The following SLC5A7 variants were observed in gnomAD, a reference collection of about 807,000 sequenced individuals.
The protein encoded by SLC5A7 is high affinity choline transporter 1.
In SLC5A7, 19 loss-of-function variants were observed where a neutral mutation model predicts 55.4. That is an observed-to-expected ratio of 0.34 (90% confidence interval 0.24 to 0.50). The LOEUF is 0.50. SLC5A7 is among the 20% of genes least tolerant of loss of function. The pLI is 0.98. For synonymous variants in SLC5A7, 265 were observed against 263.7 expected (o/e 1.00, Z -0.05); for missense variants, 506 against 705.3 (o/e 0.72, Z 3.20).
intron 6 of SLC5A7, among the ~76,000 whole-genome samples, chr2:108,005,221 A>C (rs1042634701): frequency 6.6e-6 from 1 of 152,176 alleles, no homozygotes; most frequent in African/African-American, 2.4e-5. Flanking sequence ...CACCACATAC[A>C]TTGACTCTCA....
intron 7 of SLC5A7, among the ~76,000 whole-genome samples, chr2:108,007,033 A>G (rs1171324881): frequency 6.6e-6 from 1 of 152,220 alleles, no homozygotes; most frequent in African/African-American, 2.4e-5. Context: ...GTTAGCCTCT[A>G]TGTAGAACAT....
chr2:108,000,349 G>T (rs1481211035), intron 5 of SLC5A7, among the ~76,000 whole-genome samples: 1 of 151,970 alleles, frequency 6.6e-6, no homozygotes, highest in East Asian at 1.9e-4. Context: ...TTCCCTTAAG[G>T]AATGGATATC....
rs1419906151 is a variant in SLC5A7 at position 108,013,246 on chromosome 2, TTAAA to T, written c.*2389_*2392del. ...GTTCAAAGTACTAAAACTAGATAAC[TTAAA>T]TAATTTAAGCCAATAAATAATATTA... On this transcript the variant is annotated 3_prime_UTR_variant, in exon 9 of 9. Coordinates refer to ENST00000264047, the MANE Select transcript of SLC5A7 (RefSeq NM_021815.5). 6.6e-6 allele frequency: 1 copy of T among 152,108 alleles called. No individual in the cohort carries two copies. The highest frequency in any genetic ancestry group is 6.6e-5 in the Admixed American group (1 of 15,252). The allele number at this position is 152,108 out of a possible 1,614,324, so 9.4% of individuals were successfully genotyped here. A position where few individuals can be genotyped will look rare whatever the true frequency, so the allele number is the denominator to read the frequency against.
At position 108,013,153 on chromosome 2, in the gene SLC5A7, A is replaced by G. The variant is rs1035134751; in HGVS notation, c.*2292A>G. On this transcript the variant is annotated 3_prime_UTR_variant, in exon 9 of 9. Coordinates refer to ENST00000264047, the MANE Select transcript of SLC5A7 (RefSeq NM_021815.5). ...ATCCAGTGGGGAAAAAAAGGTTAAC[A>G]GTAAAAATTTCTTCCACGTAATTCA... 1 of 152,166 alleles carries G rather than the reference A, an allele frequency of 6.6e-6. No individual in the cohort carries two copies. The highest frequency in any genetic ancestry group is 2.4e-5 in the African/African-American group (1 of 41,462). 9.4% of individuals were successfully genotyped at this position (152,166 alleles called of 1,614,324 possible).
At chr2:107,998,948 TC>T (rs1451930349) in intron 5 of SLC5A7, among the ~76,000 whole-genome samples, 1 of 152,196 alleles carries the variant, frequency 6.6e-6, no homozygotes, top group Non-Finnish European at 1.5e-5. Flanking sequence ...GAAGAAGTAA[TC>T]TCATGCCCTT....
At chr2:108,008,765 T>C (rs930474950) in intron 8 of SLC5A7, 83 bp downstream of exon 8, 7 of 909,426 alleles carry the variant, frequency 7.7e-6, no homozygotes, top group Admixed American at 3.2e-5. Flanking sequence ...TATACAGTAT[T>C]ATATATTTAT....
chr2:107,986,994 G>A (rs1677269919), intron 1 of SLC5A7, among the ~76,000 whole-genome samples: 2 of 152,134 alleles, frequency 1.3e-5, no homozygotes. Context: ...GGGGCCGGGA[G>A]AGCATCGGGC....
rs1677319788 is a variant in SLC5A7 at position 107,988,192 on chromosome 2, G to A, written c.37G>A (p.Val13Met). The A allele has an allele frequency of 3.8e-5, 61 of 1,614,084 alleles. No homozygotes were observed. Among genetic ancestry groups the A allele is most frequent in the Non-Finnish European group, 5.1e-5 (60 of 1,179,958 alleles). ...FHVEGLIAII[V>M]FYLLILLVGI... ...TGTGGAAGGACTGATAGCTATCATC[G>A]TGTTCTACCTTCTAATTTTGCTGGT... Residue 13 changes from valine to methionine, a missense_variant, in exon 2 of 9, where the codon GTG (valine) becomes ATG (methionine). This residue lies in a region of SLC5A7 where 56 missense variants were observed against 62.6 expected (regional missense o/e 0.89). Transcript: ENST00000264047.
Position 108,003,577 on chromosome 2 carries a change from T to G in SLC5A7, c.741+1537T>G, listed in dbSNP as rs543373473. Reference sequence around the variant, plus strand: ...CCAGTGGTCTCTCCTACATCCCCTATGTGAAGATGACTTGTCAAGTCCTGC... The same window carrying G: ...CCAGTGGTCTCTCCTACATCCCCTAGGTGAAGATGACTTGTCAAGTCCTGC... On this transcript the variant is annotated intron_variant, in intron 6 of 8. Transcript: ENST00000264047. Among the ~76,000 whole-genome samples the G allele has an allele frequency of 1.2e-4, 19 of 152,296 alleles. 1 individual carries two copies. Among genetic ancestry groups the G allele is most frequent in the African/African-American group, 3.4e-4 (14 of 41,558 alleles).
At chr2:108,010,196 T>C (rs779781739) in intron 8 of SLC5A7, 36 bp from the exon 9 acceptor site, 3 of 1,593,434 alleles carry the variant, frequency 1.9e-6, no homozygotes, top group Admixed American at 1.7e-5. Context: ...GCCAAGACAC[T>C]GTGCAAAAAG....
intron 2 of SLC5A7, among the ~76,000 whole-genome samples, chr2:107,989,526 G>T (rs188732565): frequency 6.6e-6 from 1 of 152,028 alleles, no homozygotes; most frequent in Non-Finnish European, 1.5e-5. Flanking sequence ...TCTTTATAAC[G>T]GCATTATGAT....
intron 2 of SLC5A7, 58 bp downstream of exon 2, chr2:107,988,391 T>C (rs1331580120): frequency 4.0e-6 from 6 of 1,518,244 alleles, no homozygotes; most frequent in Non-Finnish European, 5.4e-6. Context: ...TCTGTGAGTG[T>C]GCAGCGTGTG....
intron 6 of SLC5A7, among the ~76,000 whole-genome samples, chr2:108,003,761 C>A (rs1442498557): frequency 1.3e-5 from 2 of 152,198 alleles, no homozygotes; most frequent in Non-Finnish European, 2.9e-5. Flanking sequence ...CTCTCCCATG[C>A]CCACTTTCCA....
At chr2:108,010,042 G>T (rs1678258704) in intron 8 of SLC5A7, among the ~76,000 whole-genome samples, 190 bp from the exon 9 acceptor site, 5 of 152,138 alleles carry the variant, frequency 3.3e-5, no homozygotes, top group Admixed American at 2.0e-4. Flanking sequence ...CCTCCCAAAG[G>T]TCCACCCAGG....
chr2:108,002,048 A>C lies in SLC5A7; in HGVS notation c.741+8A>C. 1 of 1,611,790 alleles carries C rather than the reference A, an allele frequency of 6.2e-7. No homozygotes were observed. Among genetic ancestry groups the C allele is most frequent in the Non-Finnish European group, 8.5e-7 (1 of 1,178,472 alleles). On this transcript the variant is annotated splice_region_variant and intron_variant, in intron 6 of 8. Transcript: ENST00000264047. Reference sequence around the variant, plus strand: ...GATAGTTTTCTGTTGTTGGTAAGTAATGCTCTTACCTGAAGAATGTGATTT... The same window carrying C: ...GATAGTTTTCTGTTGTTGGTAAGTACTGCTCTTACCTGAAGAATGTGATTT...
chr2:108,010,486 T>G lies in SLC5A7; in HGVS notation c.1368T>G (p.Leu456=). ...RITGGEPYLY[L]QPLIFYPGYY... is the part of the protein sequence containing the mutation. The stretch of plus-strand genomic sequence containing the variant: ...CTGGAGGGGAGCCATATCTGTATCT[T>G]CAGCCCTTGATCTTCTACCCTGGCT... The change falls in exon 9 of 9, where the codon CTT becomes CTG. Residue 456 remains leucine (L), a synonymous_variant. Coordinates refer to ENST00000264047, the MANE Select transcript of SLC5A7 (RefSeq NM_021815.5). 6.2e-7 allele frequency: 1 copy of G among 1,614,000 alleles called. No homozygotes were observed. Among genetic ancestry groups the G allele is most frequent in the Non-Finnish European group, 8.5e-7 (1 of 1,179,920 alleles).
chr2:107,998,288 C>T (rs926230377), intron 5 of SLC5A7, among the ~76,000 whole-genome samples: 71 of 152,282 alleles, frequency 4.7e-4, no homozygotes, highest in African/African-American at 1.7e-3. Context: ...TTAAGGCAAT[C>T]CATTTCCCTC....
intron 5 of SLC5A7, 90 bp from the exon 6 acceptor site, chr2:108,001,807 A>T (rs1677917597): frequency 7.3e-7 from 1 of 1,379,098 alleles, no homozygotes; most frequent in African/African-American, 1.4e-5. Context: ...GGAACTACTG[A>T]GCTGTGCAGT....
Position 108,010,357 on chromosome 2 carries a change from T to G in SLC5A7, c.1239T>G (p.Val413=), listed in dbSNP as rs1483945030. Reference sequence around the variant, plus strand: ...TCTGGTACCTCAGTTCTGACCTTGTTTACATCGTTATCTTCCCCCAGCTGC... The same window carrying G: ...TCTGGTACCTCAGTTCTGACCTTGTGTACATCGTTATCTTCCCCCAGCTGC... ...YGLWYLSSDL[V]YIVIFPQLLC... Residue 413 remains valine, a synonymous_variant, in exon 9 of 9, where the codon GTT becomes GTG. Coordinates refer to ENST00000264047, the MANE Select transcript of SLC5A7 (RefSeq NM_021815.5). 1 of 1,613,988 alleles carries G rather than the reference T, an allele frequency of 6.2e-7. No homozygotes were observed. The highest frequency in any genetic ancestry group is 8.5e-7 in the Non-Finnish European group (1 of 1,179,930).
Sources: allele counts gnomAD v4.1 joint callset (sites outside exome capture counted in the v4.1 genomes callset), GRCh38; gene constraint gnomAD v4.1.1; regional missense constraint gnomAD v4.1.1; transcripts MANE v1.5; gene names NCBI Gene and HGNC (gene_info 2026-07-23, HGNC 2026-07-21).